FOXN3: variants seen among roughly 807,000 people sequenced by gnomAD.
FOXN3 encodes forkhead box protein N3.
A neutral mutation model predicts 38.4 loss-of-function variants in FOXN3; 7 were observed. The ratio of observed to expected loss-of-function variants is 0.18; its 90% CI spans 0.10 to 0.34. The LOEUF (loss-of-function observed/expected upper bound fraction) is 0.34. Among genes scored for constraint, FOXN3 ranks in the 10% least tolerant of loss-of-function variants. The pLI, the probability that FOXN3 is intolerant of heterozygous loss-of-function variation, is 1.00. For missense variants in FOXN3, 456 were observed against 613.4 expected (o/e 0.74, Z 2.71); for synonymous variants, 230 against 242.2 (o/e 0.95, Z 0.47).
intron 1 of FOXN3, among the ~76,000 whole-genome samples, chr14:89,497,464 T>C (rs1893710170): frequency 6.8e-6 from 1 of 147,080 alleles, no homozygotes; most frequent in Admixed American, 7.1e-5. Flanking sequence ...TGGAGTGCAA[T>C]GGCGCGATCT....
At chr14:89,368,233 G>A (rs1024461411) in intron 2 of FOXN3, among the ~76,000 whole-genome samples, 9 of 151,782 alleles carry the variant, frequency 5.9e-5, no homozygotes, top group Non-Finnish European at 1.0e-4. Flanking sequence ...GGGAGGCTGA[G>A]GCAGAAGAAT....
At chr14:89,383,797 A>T (rs1387403398) in intron 2 of FOXN3, among the ~76,000 whole-genome samples, 2 of 148,660 alleles carry the variant, frequency 1.3e-5, no homozygotes, top group Non-Finnish European at 1.5e-5. Flanking sequence ...TTATGTATTC[A>T]TTTTTTTTTT....
intron 4 of FOXN3, among the ~76,000 whole-genome samples, chr14:89,216,642 C>T (rs1041178777): frequency 6.6e-6 from 1 of 152,200 alleles, no homozygotes; most frequent in Admixed American, 6.5e-5. Context: ...GCATTCAAAG[C>T]CCAATGGCTT....
chr14:89,496,652 G>A (rs918390201), intron 1 of FOXN3, among the ~76,000 whole-genome samples: 2 of 152,158 alleles, frequency 1.3e-5, no homozygotes, highest in African/African-American at 4.8e-5. Context: ...AAATACAGAT[G>A]ACATAACATT....
intron 1 of FOXN3, among the ~76,000 whole-genome samples, chr14:89,571,610 T>G (rs180865055): frequency 1.3e-5 from 2 of 152,132 alleles, no homozygotes; most frequent in African/African-American, 2.4e-5. Flanking sequence ...TTAGACATCA[T>G]GTACCACACC....
At chr14:89,440,718 A>G (rs1257084680) in intron 1 of FOXN3, among the ~76,000 whole-genome samples, 3 of 152,146 alleles carry the variant, frequency 2.0e-5, no homozygotes, top group African/African-American at 7.2e-5. Flanking sequence ...TTTCGGACTC[A>G]GCCCACCTGC....
At chr14:89,413,344 A>C (rs1332076873) in intron 1 of FOXN3, among the ~76,000 whole-genome samples, 2 of 152,010 alleles carry the variant, frequency 1.3e-5, no homozygotes, top group Non-Finnish European at 2.9e-5. Context: ...CTAGAAAACA[A>C]ATGAACAGGC....
chr14:89,292,115 C>A (rs1022816733), intron 3 of FOXN3, among the ~76,000 whole-genome samples: 2 of 152,160 alleles, frequency 1.3e-5, no homozygotes, highest in African/African-American at 2.4e-5. Context: ...CCTCCGTTCG[C>A]TGGCTCCATT....
intron 2 of FOXN3, among the ~76,000 whole-genome samples, chr14:89,368,079 A>C (rs1890208317): frequency 6.6e-6 from 1 of 152,104 alleles, no homozygotes; most frequent in Non-Finnish European, 1.5e-5. Context: ...CTGTAATCCC[A>C]ACACTTTGGG....
intron 4 of FOXN3, among the ~76,000 whole-genome samples, chr14:89,253,754 C>T (rs989533093): frequency 4.6e-5 from 7 of 152,216 alleles, no homozygotes; most frequent in African/African-American, 1.4e-4. Flanking sequence ...ACCCTTCTCA[C>T]TAGCCATCAC....
chr14:89,570,526 G>A (rs1021025966), intron 1 of FOXN3, among the ~76,000 whole-genome samples: 3 of 152,160 alleles, frequency 2.0e-5, no homozygotes, highest in Non-Finnish European at 4.4e-5. Context: ...GAAGGGATTG[G>A]ATTGCTAAGG....
At chr14:89,364,111 A>G (rs1261794679) in intron 2 of FOXN3, among the ~76,000 whole-genome samples, 1 of 150,116 alleles carries the variant, frequency 6.7e-6, no homozygotes, top group Non-Finnish European at 1.5e-5. Flanking sequence ...TACACTTCAA[A>G]AATTTAAAAA....
At chr14:89,271,473 T>A (rs1443100212) in intron 4 of FOXN3, among the ~76,000 whole-genome samples, 1 of 152,218 alleles carries the variant, frequency 6.6e-6, no homozygotes, top group Non-Finnish European at 1.5e-5. Flanking sequence ...TTTTAAATGC[T>A]CAAAAATTAA....
chr14:89,332,402 C>A (rs1294323504), intron 3 of FOXN3, among the ~76,000 whole-genome samples: 2 of 152,090 alleles, frequency 1.3e-5, no homozygotes, highest in African/African-American at 4.8e-5. Context: ...TATACCCTTA[C>A]CCCCATCCCC....
chr14:89,336,136 T>TTACA (rs1320663803), intron 3 of FOXN3, among the ~76,000 whole-genome samples: 3 of 69,662 alleles, frequency 4.3e-5, no homozygotes, highest in African/African-American at 2.1e-4. Flanking sequence ...GAAGTGATCC[T>TTACA]TACACACACA....
chr14:89,254,937 G>T (rs1008380715), intron 4 of FOXN3, among the ~76,000 whole-genome samples: 6 of 152,212 alleles, frequency 3.9e-5, no homozygotes, highest in South Asian at 2.1e-4. Context: ...GCAGAGATCT[G>T]CAGGAAAGCT....
intron 2 of FOXN3, among the ~76,000 whole-genome samples, chr14:89,385,597 C>A (rs965419460): frequency 6.6e-6 from 1 of 151,618 alleles, no homozygotes; most frequent in Non-Finnish European, 1.5e-5. Flanking sequence ...CACCTGAGGT[C>A]GGGAGTTCAA....
rs951303676 is a variant in FOXN3 at position 89,222,011 on chromosome 14, A to C, written c.746-41205T>G. 5.3e-5 allele frequency among the ~76,000 whole-genome samples: 8 copies of C among 151,906 alleles called. No homozygotes were observed. The East Asian group carries it at 1.4e-3, about 26-fold the overall frequency. ...CTAATTTTTTGTATTTTTAGTAGAG[A>C]CGGGGTTTCACCGCGTTAGCCAGGA... On this transcript the variant is annotated intron_variant, in intron 4 of 5. Coordinates refer to ENST00000557258, the MANE Select transcript of FOXN3 (RefSeq NM_005197.4).
intron 2 of FOXN3, among the ~76,000 whole-genome samples, chr14:89,368,665 A>G (rs1890226014): frequency 6.6e-6 from 1 of 151,866 alleles, no homozygotes; most frequent in African/African-American, 2.4e-5. Context: ...CAAAAGACAA[A>G]CCTGAACCCC....
Sources: gnomAD v4.1 joint callset for allele counts (sites outside exome capture counted in the v4.1 genomes callset) on GRCh38, gnomAD v4.1.1 for gene constraint, MANE v1.5 for transcripts, NCBI Gene and HGNC (gene_info 2026-07-23, HGNC 2026-07-21) for gene names.